The following RNF114 variants were observed in gnomAD, a reference collection of about 807,000 sequenced individuals.
The protein encoded by RNF114 is E3 ubiquitin-protein ligase RNF114.
RNF114 carries 6 observed loss-of-function variants against 28.4 expected under a neutral mutation model. That is an observed-to-expected ratio of 0.21 (90% CI 0.12 to 0.42). The LOEUF (loss-of-function observed/expected upper bound fraction) is 0.42. RNF114 is among the 10% of genes least tolerant of loss of function. The pLI, the probability that RNF114 is intolerant of heterozygous loss-of-function variation, is 1.00. For missense variants in RNF114, 249 were observed against 311.7 expected (o/e 0.80, Z 1.51); for synonymous variants, 115 against 116.7 (o/e 0.99, Z 0.09).
chr20:49,945,915 T>C (rs113164664), intron 3 of RNF114, among the ~76,000 whole-genome samples: 1 of 152,162 alleles, frequency 6.6e-6, no homozygotes, highest in Non-Finnish European at 1.5e-5. Flanking sequence ...ATCCGCCTGC[T>C]TTGGCCTCCC....
chr20:49,952,490 G>A lies in RNF114; in HGVS notation c.*349G>A, dbSNP rs923820789. 20 of 469,366 alleles carry A rather than the reference G, an allele frequency of 4.3e-5. No homozygotes were observed. Among genetic ancestry groups the A allele is most frequent in the Non-Finnish European group, 6.1e-5 (16 of 263,916 alleles). The allele number at this position is 469,366 out of a possible 1,614,324, so 29.1% of individuals were successfully genotyped here. A position where few individuals can be genotyped will look rare whatever the true frequency, so the allele number is the denominator to read the frequency against. ...TCCTCCCATCCAGTGTTTGTCTCTC[G>A]GGTCCTTCAAGCCAGCCAGGACCTT... On this transcript the variant is annotated 3_prime_UTR_variant, in exon 6 of 6. Coordinates refer to ENST00000244061, the MANE Select transcript of RNF114 (RefSeq NM_018683.4).
intron 4 of RNF114, among the ~76,000 whole-genome samples, chr20:49,947,773 T>G (rs1051895265): frequency 6.7e-4 from 13 of 19,422 alleles, no homozygotes; most frequent in African/African-American, 2.3e-3. Context: ...CTGCAAGTTT[T>G]TTTTTTTTTT....
chr20:49,937,840 A>G (rs1600867393), intron 1 of RNF114, among the ~76,000 whole-genome samples: 1 of 152,176 alleles, frequency 6.6e-6, no homozygotes, highest in African/African-American at 2.4e-5. Context: ...ACAGCTCATG[A>G]CGGAGTGGCC....
intron 4 of RNF114, among the ~76,000 whole-genome samples, chr20:49,948,744 C>G (rs1172263722): frequency 6.6e-6 from 1 of 152,084 alleles, no homozygotes; most frequent in Non-Finnish European, 1.5e-5. Context: ...GCCTGGAGCA[C>G]TCTTTCATGT....
Position 49,949,328 on chromosome 20 carries a change from G to C in RNF114, c.594G>C (p.Arg198=). ...ACTTCAGAGAGCACATCCAGCGCCG[G>C]CACCGGTTTTCTTATGACACTTTTG... ...SANFREHIQR[R]HRFSYDTFVD... is the part of the protein sequence containing the mutation. The change falls in exon 5 of 6, where the codon CGG becomes CGC. Residue 198 remains arginine (R), a synonymous_variant. Transcript: ENST00000244061. The C allele has an allele frequency of 6.2e-7, 1 of 1,614,006 alleles. No homozygotes were observed. Among genetic ancestry groups the C allele is most frequent in the Non-Finnish European group, 8.5e-7 (1 of 1,180,008 alleles).
intron 4 of RNF114, among the ~76,000 whole-genome samples, chr20:49,946,959 C>G (rs997003532): frequency 6.6e-6 from 1 of 151,786 alleles, no homozygotes. Flanking sequence ...GTGGCTCACA[C>G]CTGTAATCCC....
chr20:49,941,595 C>G lies in RNF114; in HGVS notation c.175C>G (p.Pro59Ala), dbSNP rs1222165607. The change falls in exon 2 of 6, where the codon CCG (proline) becomes GCG (alanine). Residue 59 changes from proline to alanine, a missense_variant. This residue lies in a region of RNF114 where 123 missense variants were observed against 106.4 expected (regional missense o/e 1.16). Transcript: ENST00000244061. ...TGCATGCCTGCAGGAATGTCTGAAGCCGAAGAAGCCTGTCTGTGGGGTGTG... is the reference window on the plus strand; with the variant it reads ...TGCATGCCTGCAGGAATGTCTGAAGGCGAAGAAGCCTGTCTGTGGGGTGTG... ...CSACLQECLKPKKPVCGVCRS... is the reference protein window; with the variant it reads ...CSACLQECLKAKKPVCGVCRS... 1 of 1,609,420 alleles carries G rather than the reference C, an allele frequency of 6.2e-7. No homozygotes were observed. The highest frequency in any genetic ancestry group is 8.5e-7 in the Non-Finnish European group (1 of 1,176,898).
rs1245960279 is a variant in RNF114 at position 49,941,642 on chromosome 20, C to T, written c.222C>T (p.Gly74=). 9 of 1,612,706 alleles carry T rather than the reference C, an allele frequency of 5.6e-6. No individual in the cohort carries two copies. The highest frequency in any genetic ancestry group is 6.8e-6 in the Non-Finnish European group (8 of 1,179,574). The change falls in exon 2 of 6, where the codon GGC becomes GGT. Residue 74 remains glycine, a synonymous_variant. Coordinates refer to ENST00000244061, the MANE Select transcript of RNF114 (RefSeq NM_018683.4). The part of the protein sequence containing the change: ...CGVCRSALAP[G]VRAVELERQI... ...TGTGTCGCAGCGCTCTGGCACCTGG[C>T]GTCCGAGCCGTGGAGCTCGAGCGGC... is the stretch of plus-strand genomic sequence containing the variant.
At chr20:49,939,898 T>C (rs1242289123) in intron 1 of RNF114, among the ~76,000 whole-genome samples, 3 of 151,664 alleles carry the variant, frequency 2.0e-5, no homozygotes, top group Non-Finnish European at 4.4e-5. Flanking sequence ...CTACTAAAAA[T>C]ATAAAATTAG....
rs757922910 is a variant in RNF114 at position 49,941,676 on chromosome 20, A to G, written c.256A>G (p.Ser86Gly). 6.2e-7 allele frequency: 1 copy of G among 1,612,630 alleles called. No individual in the cohort carries two copies. Among genetic ancestry groups the G allele is most frequent in the East Asian group, 2.2e-5 (1 of 44,880 alleles). ...CGTGGAGCTCGAGCGGCAGATCGAGAGCACAGAGACTTCTTGCCATGGCTG... is the reference window on the plus strand; with the variant it reads ...CGTGGAGCTCGAGCGGCAGATCGAGGGCACAGAGACTTCTTGCCATGGCTG... ...RAVELERQIE[S>G]TETSCHGCRK... The change falls in exon 2 of 6, where the codon AGC becomes GGC. Residue 86 changes from serine (S) to glycine (G), a missense_variant. By Grantham distance (56) the Ser-to-Gly change is moderately conservative. Coordinates refer to ENST00000244061, the MANE Select transcript of RNF114 (RefSeq NM_018683.4).
chr20:49,947,232 C>G lies in RNF114; in HGVS notation c.513+982C>G, dbSNP rs1361585087. Among the ~76,000 whole-genome samples, 135 of 17,552 alleles carry G rather than the reference C, an allele frequency of 7.7e-3. 17 individuals carry two copies. In the South Asian group the frequency reaches 0.12, roughly 15 times the overall value. The allele number at this position is 17,552 out of a possible 152,430, so 11.5% of individuals were successfully genotyped here. Reference sequence around the variant, plus strand: ...AAAACTGCCCCCCCCCCCCCCCCCCCCCCCAAAAAAGTATTTGTTCCATCT... The same window carrying G: ...AAAACTGCCCCCCCCCCCCCCCCCCGCCCCAAAAAAGTATTTGTTCCATCT... On this transcript the variant is annotated intron_variant, in intron 4 of 5. Transcript: ENST00000244061.
At chr20:49,948,025 C>T (rs988344247) in intron 4 of RNF114, among the ~76,000 whole-genome samples, 19 of 151,702 alleles carry the variant, frequency 1.3e-4, no homozygotes, top group African/African-American at 4.1e-4. Flanking sequence ...CTCCTGACCT[C>T]GTGATCCGCC....
chr20:49,936,945 T>A (rs1293538516), intron 1 of RNF114, among the ~76,000 whole-genome samples: 1 of 152,136 alleles, frequency 6.6e-6, no homozygotes, highest in Non-Finnish European at 1.5e-5. Context: ...ACATTTGGCG[T>A]CGTGTCTAGC....
intron 1 of RNF114, among the ~76,000 whole-genome samples, chr20:49,938,820 A>G (rs528890342): frequency 6.6e-6 from 1 of 152,296 alleles, no homozygotes; most frequent in South Asian, 2.1e-4. Context: ...TTGAGAAGAG[A>G]CTTCGAGCTG....
chr20:49,947,769 G>GTTTTTTTTTTTTTTTTTTTTTTTT (rs71190519), intron 4 of RNF114, among the ~76,000 whole-genome samples: 2 of 50,474 alleles, frequency 4.0e-5, no homozygotes, highest in African/African-American at 8.4e-5. Context: ...CCCTCTGCAA[G>GTTTTTTTTTTTTTTTTTTTTTTTT]TTTTTTTTTT....
chr20:49,947,707 T>C (rs982681363), intron 4 of RNF114, among the ~76,000 whole-genome samples: 1 of 151,312 alleles, frequency 6.6e-6, no homozygotes, highest in Non-Finnish European at 1.5e-5. Context: ...GATTATGTTG[T>C]CTATGTTGAG....
At chr20:49,942,725 G>C (rs1349180738) in intron 2 of RNF114, among the ~76,000 whole-genome samples, 3 of 152,274 alleles carry the variant, frequency 2.0e-5, no homozygotes, top group Admixed American at 1.3e-4. Flanking sequence ...TCGGGAGGCT[G>C]AGGTGAGAGG....
intron 4 of RNF114, 129 bp downstream of exon 4, chr20:49,946,379 A>G: frequency 3.4e-6 from 2 of 589,990 alleles, no homozygotes; most frequent in Non-Finnish European, 5.9e-6. Context: ...TTAACATTTT[A>G]CCATATTTGC....
chr20:49,936,485 G>A lies in RNF114; in HGVS notation c.73G>A (p.Gly25Arg), dbSNP rs1469131701. The A allele has an allele frequency of 6.4e-7, 1 of 1,565,422 alleles. No individual in the cohort carries two copies. Among genetic ancestry groups the A allele is most frequent in the Non-Finnish European group, 8.6e-7 (1 of 1,156,778 alleles). ...AGPAAEADPL[G>R]RFTCPVCLEV... ...GCCGGCGGCGGAGGCTGACCCCCTA[G>A]GACGCTTCACGTGTCCCGTGTGCTT... The change falls in exon 1 of 6, where the codon GGA becomes AGA. Residue 25 changes from glycine to arginine, a missense_variant. By Grantham distance (125) the Gly-to-Arg change is moderately radical (BLOSUM62 -2). This residue lies in a region of RNF114 where 123 missense variants were observed against 106.4 expected (regional missense o/e 1.16). Transcript: ENST00000244061.
Sources: gnomAD v4.1 joint callset for allele counts (sites outside exome capture counted in the v4.1 genomes callset) on GRCh38, gnomAD v4.1.1 for gene constraint, gnomAD v4.1.1 regional missense constraint, MANE v1.5 for transcripts, NCBI Gene and HGNC (gene_info 2026-07-23, HGNC 2026-07-21) for gene names.